Variants in NSG2 observed in about 807,000 individuals in gnomAD.
NSG2 encodes the protein neuronal vesicle trafficking associated 2.
A neutral mutation model predicts 16.9 loss-of-function variants in NSG2; 4 were observed. The observed-to-expected ratio is 0.24, with a 90% confidence interval of 0.12 to 0.54. The LOEUF is 0.54. Among genes scored for constraint, NSG2 ranks in the 20% least tolerant of loss-of-function variants. The pLI is 0.95. For synonymous variants in NSG2, 98 were observed against 88.7 expected (o/e 1.11, Z -0.59); for missense variants, 179 against 221.1 (o/e 0.81, Z 1.21).
intron 2 of NSG2, among the ~76,000 whole-genome samples, chr5:174,053,454 T>C (rs955624245): frequency 1.3e-5 from 2 of 152,164 alleles, no homozygotes; most frequent in African/African-American, 4.8e-5. Flanking sequence ...AGGGGACCTA[T>C]GGCTGTCACT....
chr5:174,108,655 C>T lies in NSG2; in HGVS notation c.*1150C>T, dbSNP rs1761023227. The T allele has an allele frequency of 6.6e-6, 1 of 152,372 alleles. No homozygotes were observed. The highest frequency in any genetic ancestry group is 1.5e-5 in the Non-Finnish European group (1 of 68,056). 9.4% of individuals were successfully genotyped at this position (152,372 alleles called of 1,614,324 possible). ...CCAACCGAGTTCTAGAAGCTCCTGA[C>T]AAGGAGGCAGCATCCAGCCTTGACC... On this transcript the variant is annotated 3_prime_UTR_variant, in exon 5 of 5. Coordinates refer to ENST00000303177, the MANE Select transcript of NSG2 (RefSeq NM_015980.5).
intron 3 of NSG2, among the ~76,000 whole-genome samples, chr5:174,074,123 G>A (rs1215550981): frequency 6.6e-6 from 1 of 152,162 alleles, no homozygotes; most frequent in Admixed American, 6.5e-5. Flanking sequence ...CTGTGGAAAG[G>A]CGATATGGAA....
intron 3 of NSG2, among the ~76,000 whole-genome samples, chr5:174,078,125 C>A (rs536816246): frequency 6.6e-6 from 1 of 152,332 alleles, no homozygotes; most frequent in African/African-American, 2.4e-5. Context: ...CCATGTGAGC[C>A]TAGTGACTAC....
At chr5:174,057,701 A>G (rs914796206) in intron 2 of NSG2, among the ~76,000 whole-genome samples, 1 of 152,206 alleles carries the variant, frequency 6.6e-6, no homozygotes, top group African/African-American at 2.4e-5. Flanking sequence ...GGTGCCTAGC[A>G]TGGCATTCAG....
intron 3 of NSG2, among the ~76,000 whole-genome samples, chr5:174,079,414 C>G (rs1001247635): frequency 2.0e-5 from 3 of 152,112 alleles, no homozygotes; most frequent in Non-Finnish European, 4.4e-5. Context: ...CCTGCCACCC[C>G]ACCTAGCTAA....
At chr5:174,080,707 A>T (rs1760445499) in intron 3 of NSG2, among the ~76,000 whole-genome samples, 1 of 152,038 alleles carries the variant, frequency 6.6e-6, no homozygotes. Context: ...GATTACAGGC[A>T]CGTGCCACTA....
intron 2 of NSG2, 79 bp downstream of exon 2, chr5:174,046,963 C>A: frequency 1.4e-6 from 2 of 1,468,978 alleles, no homozygotes; most frequent in Non-Finnish European, 1.9e-6. Flanking sequence ...AATTCCACCC[C>A]CCAAATCCTT....
At position 174,051,671 on chromosome 5, in the gene NSG2, CA is replaced by C. The variant is rs1759892090; in HGVS notation, c.129+4788del. ...TAGGTACACAGCAATGAAAAGACAG[CA>C]TTGGCCACTGCTTTCATGGAGCTTC... On this transcript the variant is annotated intron_variant, in intron 2 of 4. Transcript: ENST00000303177. 3.3e-5 allele frequency among the ~76,000 whole-genome samples: 5 copies of C among 152,216 alleles called. 1 individual carries two copies. The South Asian group carries it at 1.0e-3, about 31-fold the overall frequency.
intron 3 of NSG2, among the ~76,000 whole-genome samples, chr5:174,089,746 C>T (rs1370471137): frequency 6.6e-6 from 1 of 152,178 alleles, no homozygotes; most frequent in African/African-American, 2.4e-5. Context: ...TCCTGAGTAG[C>T]TGGGACTACA....
chr5:174,084,863 G>A (rs902437662), intron 3 of NSG2, among the ~76,000 whole-genome samples: 5 of 152,230 alleles, frequency 3.3e-5, no homozygotes, highest in Non-Finnish European at 5.9e-5. Flanking sequence ...CTGTGGCGAT[G>A]TCTCTGTGGC....
chr5:174,097,845 G>C (rs886570766), intron 3 of NSG2, among the ~76,000 whole-genome samples: 31 of 143,414 alleles, frequency 2.2e-4, no homozygotes, highest in Middle Eastern at 3.6e-3. Flanking sequence ...GTGTGTGTCT[G>C]TGTGTGTGTG....
intron 3 of NSG2, among the ~76,000 whole-genome samples, chr5:174,089,663 T>TA (rs1392041003): frequency 6.6e-6 from 1 of 152,192 alleles, no homozygotes. Flanking sequence ...GCTTGATTTG[T>TA]TGCCCAGGCT....
At chr5:174,086,956 T>G (rs1760635147) in intron 3 of NSG2, among the ~76,000 whole-genome samples, 1 of 152,200 alleles carries the variant, frequency 6.6e-6, no homozygotes, top group Non-Finnish European at 1.5e-5. Context: ...CTTTCAAGGA[T>G]TCCACAAATA....
intron 2 of NSG2, among the ~76,000 whole-genome samples, chr5:174,063,616 A>G (rs1243258602): frequency 1.3e-5 from 2 of 150,484 alleles, no homozygotes; most frequent in South Asian, 2.1e-4. Flanking sequence ...CATGGTATAT[A>G]TATTTTTGGG....
At position 174,108,226 on chromosome 5, in the gene NSG2, A is replaced by C. The variant is rs1368856991; in HGVS notation, c.*721A>C. 1 of 162,906 alleles carries C rather than the reference A, an allele frequency of 6.1e-6. No homozygotes were observed. Among genetic ancestry groups the C allele is most frequent in the Non-Finnish European group, 1.4e-5 (1 of 74,014 alleles). 10.1% of individuals were successfully genotyped at this position (162,906 alleles called of 1,614,324 possible). On this transcript the variant is annotated 3_prime_UTR_variant, in exon 5 of 5. Transcript: ENST00000303177. ...CCCACCCTGCGACGGTGGGTTCTGC[A>C]TCAGCAAACGCTGAGGAGTGGGCAG...
At chr5:174,074,876 C>G (rs1561666816) in intron 3 of NSG2, among the ~76,000 whole-genome samples, 1 of 152,078 alleles carries the variant, frequency 6.6e-6, no homozygotes, top group East Asian at 1.9e-4. Flanking sequence ...TCCCCACTTT[C>G]ATACCTGGAA....
At chr5:174,084,659 G>A (rs1302139354) in intron 3 of NSG2, among the ~76,000 whole-genome samples, 1 of 152,230 alleles carries the variant, frequency 6.6e-6, no homozygotes, top group Non-Finnish European at 1.5e-5. Context: ...GCCCCTCAAA[G>A]AAGAGCTTTG....
chr5:174,102,918 A>T (rs527371968), intron 3 of NSG2, among the ~76,000 whole-genome samples: 56 of 147,486 alleles, frequency 3.8e-4, no homozygotes, highest in African/African-American at 1.4e-3. Flanking sequence ...AGCTGGGATC[A>T]CAGGTGCCTG....
At chr5:174,060,410 A>G (rs1265439252) in intron 2 of NSG2, among the ~76,000 whole-genome samples, 1 of 152,112 alleles carries the variant, frequency 6.6e-6, no homozygotes, top group East Asian at 1.9e-4. Flanking sequence ...CTGAGTTTGC[A>G]TCCAACATTT....
Sources: allele counts gnomAD v4.1 joint callset (sites outside exome capture counted in the v4.1 genomes callset), GRCh38; gene constraint gnomAD v4.1.1; transcripts MANE v1.5; gene names NCBI Gene and HGNC (gene_info 2026-07-23, HGNC 2026-07-21).